The following ESPNL variants were observed in gnomAD, a reference collection of about 807,000 sequenced individuals.
ESPNL encodes the protein espin-like protein.
Under a neutral mutation model 46.8 loss-of-function variants are expected in ESPNL, and 49 were observed. The ratio of observed to expected loss-of-function variants is 1.05; its 90% CI spans 0.83 to 1.33. The LOEUF (loss-of-function observed/expected upper bound fraction) is 1.33. ESPNL is among the 40% of genes most tolerant of loss of function. ESPNL has a pLI of 0.00. For synonymous variants in ESPNL, 664 were observed against 662.1 expected, an observed-to-expected ratio of 1.00 and a Z score of -0.04; for missense variants, 1,540 against 1,436.6, an observed-to-expected ratio of 1.07 and a Z score of -1.16.
intron 6 of ESPNL, among the ~76,000 whole-genome samples, chr2:238,125,628 A>C (rs1692088404): frequency 6.6e-6 from 1 of 152,230 alleles, no homozygotes. Flanking sequence ...AAAAGCGGGG[A>C]GACGGGCCGG....
Position 238,131,576 on chromosome 2 carries a change from C to T in ESPNL, c.2862C>T (p.Ala954=), listed in dbSNP as rs779777073. The part of the protein sequence containing the change: ...GLTLLGPLPH[A]AVPCSGPEPT... The stretch of plus-strand genomic sequence containing the variant: ...CCCTGCTCGGGCCCCTGCCTCACGC[C>T]GCCGTCCCCTGCAGCGGCCCTGAGC... The change falls in exon 9 of 9, where the codon GCC becomes GCT. Residue 954 remains alanine, a synonymous_variant. Transcript: ENST00000343063. The T allele has an allele frequency of 6.6e-5, 106 of 1,611,190 alleles. No homozygotes were observed. The highest frequency in any genetic ancestry group is 1.0e-4 in the Admixed American group (6 of 59,884).
At chr2:238,129,571 G>T (rs554290693) in intron 8 of ESPNL, among the ~76,000 whole-genome samples, 1 of 152,312 alleles carries the variant, frequency 6.6e-6, no homozygotes, top group East Asian at 1.9e-4. Context: ...GCAGAGAAGG[G>T]CTGTGATGTG....
At position 238,130,062 on chromosome 2, in the gene ESPNL, G is replaced by A. The variant is rs1692251180; in HGVS notation, c.1414-66G>A. The A allele has an allele frequency of 5.2e-6, 8 of 1,537,704 alleles. No homozygotes were observed. In the South Asian group the frequency reaches 7.5e-5, roughly 14 times the overall value. ...GAGATACTGAGAACTCAGGGACTTG[G>A]AAGCTAGGTGGGCTGATGGTGGGTG... is the stretch of plus-strand genomic sequence containing the variant. On this transcript the variant is annotated intron_variant, in intron 8 of 8. Coordinates refer to ENST00000343063, the MANE Select transcript of ESPNL (RefSeq NM_194312.4).
Position 238,131,869 on chromosome 2 carries a change from C to T in ESPNL, c.*137C>T, listed in dbSNP as rs569094926. Reference sequence around the variant, plus strand: ...CAGTCCTACCAGTTATCGGAGGCTGCGGGACTGTTCTGTTGTGGCATGGTT... The same window carrying T: ...CAGTCCTACCAGTTATCGGAGGCTGTGGGACTGTTCTGTTGTGGCATGGTT... On this transcript the variant is annotated 3_prime_UTR_variant, in exon 9 of 9. Coordinates refer to ENST00000343063, the MANE Select transcript of ESPNL (RefSeq NM_194312.4). 14 of 919,694 alleles carry T rather than the reference C, an allele frequency of 1.5e-5. No individual in the cohort carries two copies. In the East Asian group the frequency reaches 2.2e-4, roughly 15 times the overall value. 57.0% of individuals were successfully genotyped at this position (919,694 alleles called of 1,614,324 possible).
chr2:238,132,856 CAGCAGGGAGT>C lies in ESPNL; in HGVS notation c.*1125_*1134del, dbSNP rs1268728277. On this transcript the variant is annotated 3_prime_UTR_variant, in exon 9 of 9. Transcript: ENST00000343063. Reference sequence around the variant, plus strand: ...GGGGCTCTGCAGCTGTGAGATGGCCCAGCAGGGAGTGGCAGGGACGGGAGGCTTCAGGAAT... The same window carrying C: ...GGGGCTCTGCAGCTGTGAGATGGCCCGGCAGGGACGGGAGGCTTCAGGAAT... 1 of 152,462 alleles carries C rather than the reference CAGCAGGGAGT, an allele frequency of 6.6e-6. No homozygotes were observed. 9.4% of individuals were successfully genotyped at this position (152,462 alleles called of 1,614,324 possible).
intron 4 of ESPNL, among the ~76,000 whole-genome samples, chr2:238,108,885 C>T (rs1255656562): frequency 3.3e-5 from 5 of 152,196 alleles, no homozygotes; most frequent in Admixed American, 2.6e-4. Flanking sequence ...CGGAAGGCAC[C>T]GCATTCCCTG....
intron 8 of ESPNL, among the ~76,000 whole-genome samples, chr2:238,129,440 G>T (rs1380886222): frequency 6.6e-6 from 1 of 152,166 alleles, no homozygotes; most frequent in African/African-American, 2.4e-5. Context: ...CTGAGGCCGG[G>T]CTGGCCGGGG....
intron 5 of ESPNL, among the ~76,000 whole-genome samples, chr2:238,121,002 G>A (rs527728881): frequency 1.3e-5 from 2 of 152,212 alleles, no homozygotes; most frequent in African/African-American, 4.8e-5. Context: ...GGACAGGAGT[G>A]CTGAGACCTG....
At chr2:238,103,607 C>T (rs962252532) in intron 2 of ESPNL, among the ~76,000 whole-genome samples, 4 of 152,222 alleles carry the variant, frequency 2.6e-5, no homozygotes, top group African/African-American at 9.7e-5. Flanking sequence ...CCCCGACCCA[C>T]TGGCTGCATC....
chr2:238,125,802 GTGGAGTGGAA>G (rs1559266358), intron 6 of ESPNL, among the ~76,000 whole-genome samples: 1 of 152,084 alleles, frequency 6.6e-6, no homozygotes, highest in African/African-American at 2.4e-5. Flanking sequence ...GTGGAGTGGA[GTGGAGTGGAA>G]TGGAATTATC....
intron 8 of ESPNL, chr2:238,129,247 T>A: frequency 8.2e-7 from 1 of 1,213,722 alleles, no homozygotes; most frequent in Non-Finnish European, 1.0e-6. Context: ...GGCAGGTGTG[T>A]GGGGTGCGAT....
In ESPNL at chr2:238,104,703, C is replaced by A. The variant is rs149008836; in HGVS notation, c.533C>A (p.Ala178Asp). 6 of 1,607,160 alleles carry A rather than the reference C, an allele frequency of 3.7e-6. No individual in the cohort carries two copies. The highest frequency in any genetic ancestry group is 5.1e-6 in the Non-Finnish European group (6 of 1,177,938). The change falls in exon 3 of 9, where the codon GCC (alanine) becomes GAC (aspartate). Residue 178 changes from alanine (A) to aspartate (D), a missense_variant. Ala to Asp is a moderately radical substitution (Grantham distance 126). Coordinates refer to ENST00000343063, the MANE Select transcript of ESPNL (RefSeq NM_194312.4). ...TRSGASPLYL[A>D]CQEGHLHLAQ... The stretch of plus-strand genomic sequence containing the variant: ...AGTGGCGCCTCCCCACTCTACCTGG[C>A]CTGCCAGGAGGGCCACCTGCACCTG...
At chr2:238,115,544 C>T (rs1312066346) in intron 4 of ESPNL, among the ~76,000 whole-genome samples, 5 of 152,266 alleles carry the variant, frequency 3.3e-5, no homozygotes, top group African/African-American at 9.6e-5. Context: ...GTTGTATTTA[C>T]TCACGGCATG....
At chr2:238,118,303 AGGGT>A (rs1691864374) in intron 5 of ESPNL, among the ~76,000 whole-genome samples, 1 of 101,082 alleles carries the variant, frequency 9.9e-6, no homozygotes, top group South Asian at 3.9e-4. Context: ...TGGATGGAGG[AGGGT>A]AGATGGAGGA....
chr2:238,125,409 C>G (rs755877857), intron 6 of ESPNL, 25 bp downstream of exon 6: 1 of 1,380,104 alleles, frequency 7.2e-7, no homozygotes, highest in Non-Finnish European at 9.7e-7. Context: ...CCAAGTGGGC[C>G]ACCCAGGGCA....
chr2:238,126,917 G>GTGTCTGTGTGTCTGTGAT (rs1692141398), intron 6 of ESPNL, among the ~76,000 whole-genome samples: 4 of 134,350 alleles, frequency 3.0e-5, no homozygotes, highest in East Asian at 2.3e-4. Flanking sequence ...GTGTATGATC[G>GTGTCTGTGTGTCTGTGAT]TGTCTGTGTG....
rs560163015 is a variant in ESPNL at position 238,101,282 on chromosome 2, C to T, written c.294+569C>T. ...GGACTGACCGGCCTTAGAACGCCGCCGCCCAGAGGTCAGAGTTGAGGTGGG... is the reference window on the plus strand; with the variant it reads ...GGACTGACCGGCCTTAGAACGCCGCTGCCCAGAGGTCAGAGTTGAGGTGGG... On this transcript the variant is annotated intron_variant, in intron 1 of 8. Transcript: ENST00000343063. Among the ~76,000 whole-genome samples the T allele has an allele frequency of 1.8e-3, 276 of 152,252 alleles. 1 individual carries two copies. The highest frequency in any genetic ancestry group is 3.4e-3 in the Middle Eastern group (1 of 294).
At chr2:238,128,551 G>C (rs2106479121) in intron 7 of ESPNL, among the ~76,000 whole-genome samples, 156 bp from the exon 8 acceptor site, 1 of 152,276 alleles carries the variant, frequency 6.6e-6, no homozygotes, top group African/African-American at 2.4e-5. Flanking sequence ...GGGATGAGGG[G>C]GTGGGGTGCT....
Position 238,127,601 on chromosome 2 carries a change from CA to C in ESPNL, c.1103-20del. The C allele has an allele frequency of 6.3e-7, 1 of 1,580,574 alleles. No homozygotes were observed. The highest frequency in any genetic ancestry group is 1.8e-5 in the Admixed American group (1 of 55,342). On this transcript the variant is annotated intron_variant, in intron 6 of 8. Transcript: ENST00000343063. ...TCCCCAGCCCTTGCCCTTTCTGCAA[CA>C]CCCTTCTTCTTCTTGGCAGCCATGT...
Sources: gnomAD v4.1 joint callset for allele counts (sites outside exome capture counted in the v4.1 genomes callset) on GRCh38, gnomAD v4.1.1 for gene constraint, MANE v1.5 for transcripts, NCBI Gene and HGNC (gene_info 2026-07-23, HGNC 2026-07-21) for gene names.